The following CCDC18 variants were observed in gnomAD, a reference collection of about 807,000 sequenced individuals.
The protein encoded by CCDC18 is coiled-coil domain containing 18.
In CCDC18, 157 loss-of-function variants were observed where a neutral mutation model predicts 196.0. That is an observed-to-expected ratio of 0.80 (90% CI 0.70 to 0.91). CCDC18 has a LOEUF of 0.91. CCDC18 is among the 40% of genes least tolerant of loss of function. The probability of loss-of-function intolerance (pLI) is 0.00; values close to 1 mark genes in which losing one functional copy is unlikely to be tolerated. For synonymous variants in CCDC18, 482 were observed against 529.2 expected, an observed-to-expected ratio of 0.91 and a Z score of 1.22; for missense variants, 1,465 against 1,611.6, an observed-to-expected ratio of 0.91 and a Z score of 1.56.
At chr1:93,191,197 T>G in intron 4 of CCDC18, 1 of 413,202 alleles carries the variant, frequency 2.4e-6, no homozygotes, top group Non-Finnish European at 4.5e-6. Flanking sequence ...GGGCTAACCG[T>G]TTTATATTAA....
intron 8 of CCDC18, among the ~76,000 whole-genome samples, chr1:93,206,767 G>A (rs993332415): frequency 6.6e-6 from 1 of 152,132 alleles, no homozygotes; most frequent in African/African-American, 2.4e-5. Context: ...CTATGTCAGG[G>A]ATTTTGAAGT....
rs1368019036 is a variant in CCDC18, at chr1:93,254,722, CT to C, written c.3342+109del. On this transcript the variant is annotated intron_variant, in intron 24 of 28. Transcript: ENST00000690025. Reference sequence around the variant, plus strand: ...TTAATATACAGAAACTGTGCCATAACTGTTTTTAGGCTAGTTTTTTGTGCCA... The same window carrying C: ...TTAATATACAGAAACTGTGCCATAACGTTTTTAGGCTAGTTTTTTGTGCCA... 3 of 1,054,698 alleles carry C rather than the reference CT, an allele frequency of 2.8e-6. No individual in the cohort carries two copies. In the African/African-American group the frequency reaches 4.9e-5, roughly 17 times the overall value. 65.3% of individuals were successfully genotyped at this position (1,054,698 alleles called of 1,614,324 possible). A position where few individuals can be genotyped will look rare whatever the true frequency, so the allele number is the denominator to read the frequency against.
chr1:93,263,294 TC>T (rs1485734548), intron 26 of CCDC18, among the ~76,000 whole-genome samples: 3 of 152,214 alleles, frequency 2.0e-5, no homozygotes, highest in Non-Finnish European at 2.9e-5. Context: ...AATGGGTTTT[TC>T]TTTTCTACCA....
intron 3 of CCDC18, among the ~76,000 whole-genome samples, chr1:93,186,024 A>G (rs957880780): frequency 3.3e-5 from 5 of 151,964 alleles, no homozygotes; most frequent in African/African-American, 1.2e-4. Flanking sequence ...TGCACGTGAA[A>G]AAGTACAAAA....
At chr1:93,247,801 A>C (rs1327136714) in intron 23 of CCDC18, among the ~76,000 whole-genome samples, 1 of 152,060 alleles carries the variant, frequency 6.6e-6, no homozygotes, top group Non-Finnish European at 1.5e-5. Flanking sequence ...AGGATAATTT[A>C]ACTTCTCTCT....
intron 26 of CCDC18, among the ~76,000 whole-genome samples, chr1:93,263,344 T>C (rs1300360378): frequency 1.3e-5 from 2 of 152,196 alleles, no homozygotes; most frequent in African/African-American, 4.8e-5. Flanking sequence ...TTTTATGCTC[T>C]GCTTCCCTTT....
intron 26 of CCDC18, among the ~76,000 whole-genome samples, chr1:93,261,999 G>GTCTT (rs1167610168): frequency 6.6e-6 from 1 of 152,188 alleles, no homozygotes; most frequent in Non-Finnish European, 1.5e-5. Context: ...AGCAAGGCAT[G>GTCTT]TCTTACATGG....
chr1:93,205,772 A>G, intron 8 of CCDC18, 141 bp downstream of exon 8: 2 of 746,818 alleles, frequency 2.7e-6, no homozygotes, highest in South Asian at 3.5e-5. Context: ...ACTGTTTTCT[A>G]GCTATAGAGT....
chr1:93,242,718 G>C (rs1660986118), intron 21 of CCDC18, among the ~76,000 whole-genome samples: 1 of 152,168 alleles, frequency 6.6e-6, no homozygotes, highest in Non-Finnish European at 1.5e-5. Context: ...GATACAGTGG[G>C]GGTACAGACA....
At chr1:93,255,245 C>A (rs2101073491) in intron 24 of CCDC18, among the ~76,000 whole-genome samples, 1 of 152,132 alleles carries the variant, frequency 6.6e-6, no homozygotes, top group South Asian at 2.1e-4. Context: ...GCTACCGTGC[C>A]CGGCCGAAGA....
At chr1:93,246,495 A>G (rs932605148) in intron 22 of CCDC18, among the ~76,000 whole-genome samples, 10 of 152,140 alleles carry the variant, frequency 6.6e-5, no homozygotes, top group African/African-American at 2.4e-4. Flanking sequence ...GGAAGGCGTT[A>G]TTTAGCACTT....
chr1:93,184,249 T>C lies in CCDC18; in HGVS notation c.303+103T>C, dbSNP rs1173800233. 3.9e-5 allele frequency: 17 copies of C among 436,892 alleles called. No homozygotes were observed. In the East Asian group the frequency reaches 7.1e-4, roughly 18 times the overall value. The allele number at this position is 436,892 out of a possible 1,614,324, so 27.1% of individuals were successfully genotyped here. On this transcript the variant is annotated intron_variant, in intron 3 of 28. Transcript: ENST00000690025. ...TTTAAAATTAAATTAAAGAAAAAAA[T>C]TTTTTCTTTAAATACCTTATTCATG...
chr1:93,192,110 A>T lies in CCDC18; in HGVS notation c.569+4A>T. 1 of 1,566,950 alleles carries T rather than the reference A, an allele frequency of 6.4e-7. No homozygotes were observed. The highest frequency in any genetic ancestry group is 8.8e-7 in the Non-Finnish European group (1 of 1,138,822). On this transcript the variant is annotated splice_donor_region_variant and intron_variant, in intron 5 of 28. Transcript: ENST00000690025. ...CAGCTCAAGATAAAGTTTTGAGGTA[A>T]ATATACTTTTTATAGCTCTCAAAGT...
rs1425318525 is a variant in CCDC18 at position 93,221,602 on chromosome 1, T to A, written c.1963-7T>A. The stretch of plus-strand genomic sequence containing the variant: ...ATTTAATATGAAAATTCTGTTTTCA[T>A]GTTTAGCTTGAAGCTCAACTAGAGA... On this transcript the variant is annotated splice_polypyrimidine_tract_variant and splice_region_variant and intron_variant, in intron 14 of 28. Coordinates refer to ENST00000690025, the MANE Select transcript of CCDC18 (RefSeq NM_001378204.1). 2 of 1,495,160 alleles carry A rather than the reference T, an allele frequency of 1.3e-6. No homozygotes were observed. Among genetic ancestry groups the A allele is most frequent in the East Asian group, 2.5e-5 (1 of 39,886 alleles). The allele number at this position is 1,495,160 out of a possible 1,614,324, so 92.6% of individuals were successfully genotyped here. A position where few individuals can be genotyped will look rare whatever the true frequency, so the allele number is the denominator to read the frequency against.
At chr1:93,203,067 A>T (rs1237712276) in intron 7 of CCDC18, among the ~76,000 whole-genome samples, 1 of 152,164 alleles carries the variant, frequency 6.6e-6, no homozygotes, top group Non-Finnish European at 1.5e-5. Context: ...GTGAAGATGC[A>T]TTTGAGAGGT....
Position 93,239,322 on chromosome 1 carries a change from T to G in CCDC18, c.2616T>G (p.Ile872Met), listed in dbSNP as rs768352347. 1 of 1,586,180 alleles carries G rather than the reference T, an allele frequency of 6.3e-7. No individual in the cohort carries two copies. The highest frequency in any genetic ancestry group is 8.6e-7 in the Non-Finnish European group (1 of 1,167,932). ...ELTGTARQVK[I>M]EMDQYKEELS... ...TGTTTTTAATTAGGCAAGTAAAGAT[T>G]GAGATGGATCAGTACAAAGAAGAGC... Residue 872 changes from isoleucine (I) to methionine (M), a missense_variant, in exon 20 of 29, where the codon ATT becomes ATG. Physicochemically the swap from Ile to Met is conservative, Grantham distance 10 (BLOSUM62 1). Transcript: ENST00000690025.
At position 93,186,391 on chromosome 1, in the gene CCDC18, G is replaced by C. The variant is rs1007915358; in HGVS notation, c.350G>C (p.Arg117Pro). The C allele has an allele frequency of 1.9e-6, 3 of 1,611,848 alleles. No individual in the cohort carries two copies. The highest frequency in any genetic ancestry group is 1.7e-6 in the Non-Finnish European group (2 of 1,178,686). ...GTGGATCAGGAGATTAAAAGCCTTC[G>C]AGAGAAACTAAATAAACTTAGGCAA... Reference protein sequence around the residue: ...APVDQEIKSLREKLNKLRQQN... With the variant: ...APVDQEIKSLPEKLNKLRQQN... The change falls in exon 4 of 29, where the codon CGA (arginine) becomes CCA (proline). Residue 117 changes from arginine to proline, a missense_variant. Transcript: ENST00000690025.
At chr1:93,181,012 A>G (rs1051698702) in intron 1 of CCDC18, 160 bp downstream of exon 1, 2 of 646,260 alleles carry the variant, frequency 3.1e-6, no homozygotes, top group Non-Finnish European at 4.8e-6. Context: ...GAACGGTTGT[A>G]TTTTATTTGA....
intron 27 of CCDC18, among the ~76,000 whole-genome samples, chr1:93,266,005 C>G (rs1480598546): frequency 2.0e-5 from 3 of 152,158 alleles, no homozygotes; most frequent in Non-Finnish European, 4.4e-5. Context: ...TTCTCAGCAC[C>G]AAATCACACT....
Sources: allele counts gnomAD v4.1 joint callset (sites outside exome capture counted in the v4.1 genomes callset), GRCh38; gene constraint gnomAD v4.1.1; transcripts MANE v1.5; gene names NCBI Gene and HGNC (gene_info 2026-07-23, HGNC 2026-07-21).